NUDT4: variants seen among roughly 807,000 people sequenced by gnomAD.
NUDT4 encodes nudix hydrolase 4.
A neutral mutation model predicts 23.1 loss-of-function variants in NUDT4; 5 were observed. That is an observed-to-expected ratio of 0.22 (90% CI 0.11 to 0.46). The LOEUF is 0.46. Among genes scored for constraint, NUDT4 ranks in the 20% least tolerant of loss-of-function variants. NUDT4 has a pLI of 0.99. For missense variants in NUDT4, 96 were observed against 211.6 expected, an observed-to-expected ratio of 0.45 and a Z score of 3.39; for synonymous variants, 50 against 79.0, an observed-to-expected ratio of 0.63 and a Z score of 1.95.
chr12:93,405,946 GGTT>G lies in NUDT4; in HGVS notation c.*6570_*6572del, dbSNP rs1877788723. 1 of 152,036 alleles carries G rather than the reference GGTT, an allele frequency of 6.6e-6. No individual in the cohort carries two copies. The allele number at this position is 152,036 out of a possible 1,614,324, so 9.4% of individuals were successfully genotyped here. A position where few individuals can be genotyped will look rare whatever the true frequency, so the allele number is the denominator to read the frequency against. On this transcript the variant is annotated 3_prime_UTR_variant, in exon 5 of 5. Transcript: ENST00000415493. ...TTTTTTGGCCAGCTTTTCTAGATAAGGTTGTATTGCTACTGCAACTAACAAAAA... is the reference window on the plus strand; with the variant it reads ...TTTTTTGGCCAGCTTTTCTAGATAAGGTATTGCTACTGCAACTAACAAAAA...
At chr12:93,388,159 G>A (rs572765611) in intron 1 of NUDT4, among the ~76,000 whole-genome samples, 6 of 152,298 alleles carry the variant, frequency 3.9e-5, no homozygotes, top group South Asian at 2.1e-4. Context: ...CATTTAAAGC[G>A]ATCATTTTAT....
At position 93,385,939 on chromosome 12, in the gene NUDT4, TTTTATA is replaced by T. The variant is rs1221483739; in HGVS notation, c.99+7520_99+7525del. Reference sequence around the variant, plus strand: ...TTATATATATATATATAGTAAATCTTTTTATATATATATATATATATATATATATAT... The same window carrying T: ...TTATATATATATATATAGTAAATCTTTATATATATATATATATATATATAT... On this transcript the variant is annotated intron_variant, in intron 1 of 4. Coordinates refer to ENST00000415493, the MANE Select transcript of NUDT4 (RefSeq NM_019094.6). Among the ~76,000 whole-genome samples the T allele has an allele frequency of 6.3e-4, 35 of 55,174 alleles. 1 individual carries two copies. The highest frequency in any genetic ancestry group is 2.7e-3 in the East Asian group (3 of 1,094). The allele number at this position is 55,174 out of a possible 152,430, so 36.2% of individuals were successfully genotyped here.
intron 1 of NUDT4, among the ~76,000 whole-genome samples, chr12:93,379,591 T>C (rs1443753744): frequency 6.6e-6 from 1 of 152,110 alleles, no homozygotes; most frequent in Non-Finnish European, 1.5e-5. Context: ...TATTTTTTTT[T>C]GAAAAGAAAC....
chr12:93,389,101 C>T (rs994912105), intron 1 of NUDT4, among the ~76,000 whole-genome samples: 2 of 152,172 alleles, frequency 1.3e-5, no homozygotes, highest in Non-Finnish European at 2.9e-5. Context: ...GCACATCTGC[C>T]TTAAGCTAGT....
chr12:93,386,578 TC>T (rs1248483010), intron 1 of NUDT4, among the ~76,000 whole-genome samples: 7 of 148,624 alleles, frequency 4.7e-5, no homozygotes, highest in African/African-American at 1.8e-4. Context: ...AGACCCTGTT[TC>T]AAAAAAAAAA....
intron 1 of NUDT4, among the ~76,000 whole-genome samples, chr12:93,389,731 T>C (rs1050274029): frequency 6.6e-6 from 1 of 151,520 alleles, no homozygotes; most frequent in African/African-American, 2.4e-5. Context: ...TGAAACCCCA[T>C]CTCTACTAAA....
rs1374508984 is a variant in NUDT4 at position 93,401,897 on chromosome 12, CAG to C, written c.*2521_*2522del. 1.2e-4 allele frequency: 16 copies of C among 134,324 alleles called. No homozygotes were observed. The highest frequency in any genetic ancestry group is 9.8e-4 in the South Asian group (4 of 4,076). 8.3% of individuals were successfully genotyped at this position (134,324 alleles called of 1,614,324 possible). On this transcript the variant is annotated 3_prime_UTR_variant, in exon 5 of 5. Coordinates refer to ENST00000415493, the MANE Select transcript of NUDT4 (RefSeq NM_019094.6). ...TACTATCTCAACCCTCCAAAATTTGCAGAGTGTTGGGACTGTCATTTGTGATT... is the reference window on the plus strand; with the variant it reads ...TACTATCTCAACCCTCCAAAATTTGCAGTGTTGGGACTGTCATTTGTGATT...
chr12:93,385,946 TA>T (rs1730812808), intron 1 of NUDT4, among the ~76,000 whole-genome samples: 1 of 76,668 alleles, frequency 1.3e-5, no homozygotes, highest in Admixed American at 1.3e-4. Flanking sequence ...TCTTTTTATA[TA>T]TATATATATA....
At chr12:93,392,073 A>G (rs7967047) in intron 1 of NUDT4, among the ~76,000 whole-genome samples, 113,877 of 151,586 alleles carry the variant, frequency 0.75, 43,496 homozygotes, top group East Asian at 0.96. Flanking sequence ...TAGTAGAGAT[A>G]GGGTTTCACC....
At position 93,385,419 on chromosome 12, in the gene NUDT4, G is replaced by T. The variant is rs2120881192; in HGVS notation, c.99+6998G>T. Among the ~76,000 whole-genome samples, 4 of 152,274 alleles carry T rather than the reference G, an allele frequency of 2.6e-5. No individual in the cohort carries two copies. In the South Asian group the frequency reaches 8.3e-4, roughly 32 times the overall value. On this transcript the variant is annotated intron_variant, in intron 1 of 4. Coordinates refer to ENST00000415493, the MANE Select transcript of NUDT4 (RefSeq NM_019094.6). ...AGTCACAGCTCTGATTTATCTGGAA[G>T]GTTGAATGCATCTTCCTTCATCTCT...
At chr12:93,395,707 CTTTTATTTA>C (rs1876882580) in intron 3 of NUDT4, among the ~76,000 whole-genome samples, 174 bp downstream of exon 3, 1 of 152,000 alleles carries the variant, frequency 6.6e-6, no homozygotes, top group Non-Finnish European at 1.5e-5. Flanking sequence ...TATGCCACCA[CTTTTATTTA>C]TTTATTTTTA....
chr12:93,397,069 G>A (rs1200883898), intron 3 of NUDT4, among the ~76,000 whole-genome samples: 3 of 152,148 alleles, frequency 2.0e-5, no homozygotes, highest in African/African-American at 4.8e-5. Flanking sequence ...AATAATATGG[G>A]AAGGTAACAG....
At chr12:93,395,868 G>A (rs1216422249) in intron 3 of NUDT4, among the ~76,000 whole-genome samples, 3 of 152,070 alleles carry the variant, frequency 2.0e-5, no homozygotes, top group Non-Finnish European at 4.4e-5. Context: ...CTACAGGCAC[G>A]CGCCACCACG....
In NUDT4 at chr12:93,407,581, C is replaced by CA. The variant is rs1431680590; in HGVS notation, c.*8203dup. 6.6e-6 allele frequency: 1 copy of CA among 152,188 alleles called. No homozygotes were observed. Among genetic ancestry groups the CA allele is most frequent in the Non-Finnish European group, 1.5e-5 (1 of 68,036 alleles). 9.4% of individuals were successfully genotyped at this position (152,188 alleles called of 1,614,324 possible). A position where few individuals can be genotyped will look rare whatever the true frequency, so the allele number is the denominator to read the frequency against. On this transcript the variant is annotated 3_prime_UTR_variant, in exon 5 of 5. Transcript: ENST00000415493. Reference sequence around the variant, plus strand: ...AGGGTGTCTGCTACTCAGATCCTCTCAGTTAAGTCCCGTGCACAAAGGTGG... The same window carrying CA: ...AGGGTGTCTGCTACTCAGATCCTCTCAAGTTAAGTCCCGTGCACAAAGGTGG...
chr12:93,378,872 C>A, intron 1 of NUDT4: 2 of 801,876 alleles, frequency 2.5e-6, no homozygotes, highest in Non-Finnish European at 3.0e-6. Flanking sequence ...CGGATTCGAT[C>A]TAAGCATGTT....
intron 1 of NUDT4, among the ~76,000 whole-genome samples, chr12:93,392,739 TCTGCTCA>T (rs1337990210): frequency 1.8e-5 from 2 of 112,532 alleles, no homozygotes; most frequent in African/African-American, 3.5e-5. Flanking sequence ...TGGTGCAATC[TCTGCTCA>T]CTGCTCACTG....
chr12:93,392,246 C>G lies in NUDT4; in HGVS notation c.100-2363C>G, dbSNP rs533932194. Among the ~76,000 whole-genome samples, 474 of 131,402 alleles carry G rather than the reference C, an allele frequency of 3.6e-3. 6 individuals are homozygous for G. Among genetic ancestry groups the G allele is most frequent in the African/African-American group, 1.0e-2 (370 of 37,138 alleles). 86.2% of individuals were successfully genotyped at this position (131,402 alleles called of 152,430 possible). A position where few individuals can be genotyped will look rare whatever the true frequency, so the allele number is the denominator to read the frequency against. ...AGCCCACAAATATTCCTTTGTTTCC[C>G]CCCCCCCCTTTTTTTTTTCCTTTTT... On this transcript the variant is annotated intron_variant, in intron 1 of 4. Transcript: ENST00000415493.
chr12:93,403,292 A>T lies in NUDT4; in HGVS notation c.*3913A>T, dbSNP rs1877604339. On this transcript the variant is annotated 3_prime_UTR_variant, in exon 5 of 5. Transcript: ENST00000415493. ...CTTATATTCTAGTGGGGTAGAGATA[A>T]GTGATTTATCTTGGTGTAGTTTTGG... The T allele has an allele frequency of 6.6e-6, 1 of 152,128 alleles. No individual in the cohort carries two copies. The highest frequency in any genetic ancestry group is 6.5e-5 in the Admixed American group (1 of 15,272). 9.4% of individuals were successfully genotyped at this position (152,128 alleles called of 1,614,324 possible).
At chr12:93,395,789 T>C (rs1876889456) in intron 3 of NUDT4, among the ~76,000 whole-genome samples, 1 of 152,194 alleles carries the variant, frequency 6.6e-6, no homozygotes, top group Non-Finnish European at 1.5e-5. Context: ...GGTGCAATCT[T>C]GGCTTACTAC....
Sources: gnomAD v4.1 joint callset for allele counts (sites outside exome capture counted in the v4.1 genomes callset) on GRCh38, gnomAD v4.1.1 for gene constraint, MANE v1.5 for transcripts, NCBI Gene and HGNC (gene_info 2026-07-23, HGNC 2026-07-21) for gene names.